The following CASZ1 variants were observed in gnomAD, a reference collection of about 807,000 sequenced individuals.
The protein encoded by CASZ1 is zinc finger protein castor homolog 1.
Under a neutral mutation model 135.2 loss-of-function variants are expected in CASZ1, and 28 were observed. That is an observed-to-expected ratio of 0.21 (90% confidence interval 0.15 to 0.28). The LOEUF is 0.28. Ranked by LOEUF, CASZ1 falls within the 10% of genes least tolerant of loss-of-function variation. The pLI is 1.00. For missense variants in CASZ1, 2,161 were observed against 2,453.3 expected, an observed-to-expected ratio of 0.88 and a Z score of 2.52; for synonymous variants, 1,068 against 1,073.4, an observed-to-expected ratio of 0.99 and a Z score of 0.10.
At chr1:10,684,902 A>C (rs1345665599) in intron 4 of CASZ1, among the ~76,000 whole-genome samples, 7 of 152,194 alleles carry the variant, frequency 4.6e-5, no homozygotes, top group Non-Finnish European at 1.0e-4. Context: ...CGCTGAGCAC[A>C]CATGGAATGT....
At position 10,739,988 on chromosome 1, in the gene CASZ1, T is replaced by C. The variant is rs1639881943; in HGVS notation, c.-77+20713A>G. Reference sequence around the variant, plus strand: ...GCCCATGGACAAGGTCTCATTCCAGTGGCCCGGTGTCACAGCGTGTCCTCA... The same window carrying C: ...GCCCATGGACAAGGTCTCATTCCAGCGGCCCGGTGTCACAGCGTGTCCTCA... On this transcript the variant is annotated intron_variant, in intron 2 of 20. Coordinates refer to ENST00000377022, the MANE Select transcript of CASZ1 (RefSeq NM_001079843.3). The surrounding 1 kb of genome is among the most constrained non-coding windows in gnomAD (Gnocchi z 4.8). Among the ~76,000 whole-genome samples the C allele has an allele frequency of 6.6e-6, 1 of 152,158 alleles. No homozygotes were observed. Among genetic ancestry groups the C allele is most frequent in the Non-Finnish European group, 1.5e-5 (1 of 68,024 alleles).
chr1:10,795,347 T>C (rs1029304515), intron 1 of CASZ1, among the ~76,000 whole-genome samples: 1 of 152,192 alleles, frequency 6.6e-6, no homozygotes, highest in Non-Finnish European at 1.5e-5. Context: ...AAACTACTTT[T>C]TTCTCTGTCC....
At position 10,721,946 on chromosome 1, in the gene CASZ1, C is replaced by T. The variant is rs1331682643; in HGVS notation, c.-76-16402G>A. The stretch of plus-strand genomic sequence containing the variant: ...CCCACCTGTCTCTTCCTGTGTTTCT[C>T]CTGCTGTATCTTTTACCTTGAGCAC... On this transcript the variant is annotated intron_variant, in intron 2 of 20. Coordinates refer to ENST00000377022, the MANE Select transcript of CASZ1 (RefSeq NM_001079843.3). The surrounding 1 kb of genome is among the most constrained non-coding windows in gnomAD (Gnocchi z 5.4). Among the ~76,000 whole-genome samples, 1 of 152,250 alleles carries T rather than the reference C, an allele frequency of 6.6e-6. No individual in the cohort carries two copies. The highest frequency in any genetic ancestry group is 1.5e-5 in the Non-Finnish European group (1 of 68,042).
Position 10,642,951 on chromosome 1 carries a change from G to A in CASZ1, c.4070C>T (p.Thr1357Ile). 2 of 1,613,002 alleles carry A rather than the reference G, an allele frequency of 1.2e-6. No individual in the cohort carries two copies. The highest frequency in any genetic ancestry group is 2.2e-5 in the East Asian group (1 of 44,894). ...GGACATGGCGCCTGGGCTGCAGCCA[G>A]TGTAGTCCATGCACTCATCTGTCTC... ...DAETDECMDY[T>I]GCSPGAMSSE... The change falls in exon 20 of 21, where the codon ACT (threonine) becomes ATT (isoleucine). Residue 1357 changes from threonine to isoleucine, a missense_variant. Thr to Ile is a moderately conservative substitution (Grantham distance 89, BLOSUM62 -1). Coordinates refer to ENST00000377022, the MANE Select transcript of CASZ1 (RefSeq NM_001079843.3).
intron 1 of CASZ1, among the ~76,000 whole-genome samples, chr1:10,785,896 T>C (rs1640850659): frequency 6.6e-6 from 1 of 152,202 alleles, no homozygotes. Context: ...GATCCTCTCA[T>C]CTAATTCTCA....
chr1:10,645,470 C>A (rs1195829579), intron 17 of CASZ1, among the ~76,000 whole-genome samples: 4 of 152,154 alleles, frequency 2.6e-5, no homozygotes, highest in Non-Finnish European at 5.9e-5. Context: ...GCAGAGCTTG[C>A]AGTGAGCCGA....
chr1:10,726,567 G>A lies in CASZ1; in HGVS notation c.-76-21023C>T, dbSNP rs566792907. ...AGGCTGCATGCCAATCCGGCCAGAG[G>A]AAACACCGGGCACGGGGAATGGAGC... On this transcript the variant is annotated intron_variant, in intron 2 of 20. Coordinates refer to ENST00000377022, the MANE Select transcript of CASZ1 (RefSeq NM_001079843.3). This position sits in a 1 kb window ranked among gnomAD's most constrained non-coding sequence, Gnocchi z 5.7. Among the ~76,000 whole-genome samples, 2 of 152,352 alleles carry A rather than the reference G, an allele frequency of 1.3e-5. No homozygotes were observed. The highest frequency in any genetic ancestry group is 3.9e-4 in the East Asian group (2 of 5,192).
intron 18 of CASZ1, among the ~76,000 whole-genome samples, chr1:10,644,602 T>C (rs1316372241): frequency 6.6e-6 from 1 of 152,258 alleles, no homozygotes; most frequent in Non-Finnish European, 1.5e-5. Context: ...CCTGCTCGCC[T>C]TCTTGATAAG....
intron 2 of CASZ1, among the ~76,000 whole-genome samples, chr1:10,722,353 G>A (rs990703994): frequency 6.6e-6 from 1 of 152,222 alleles, no homozygotes; most frequent in Non-Finnish European, 1.5e-5. Flanking sequence ...CTGGTGCCAC[G>A]CAGTTCCAAA....
intron 2 of CASZ1, among the ~76,000 whole-genome samples, chr1:10,753,690 A>G (rs960138777): frequency 1.3e-5 from 2 of 152,148 alleles, no homozygotes; most frequent in African/African-American, 4.8e-5. Context: ...CCCAGGCTAG[A>G]GCAGGGCAAG....
At chr1:10,704,966 G>A (rs886700426) in intron 3 of CASZ1, among the ~76,000 whole-genome samples, 9 of 152,242 alleles carry the variant, frequency 5.9e-5, no homozygotes, top group Non-Finnish European at 1.2e-4. Flanking sequence ...TCCTGGCCTC[G>A]GCCGTGGCCT....
rs1047446314 is a variant in CASZ1, at chr1:10,755,641, G to C, written c.-77+5060C>G. Among the ~76,000 whole-genome samples, 9 of 152,286 alleles carry C rather than the reference G, an allele frequency of 5.9e-5. No homozygotes were observed. The highest frequency in any genetic ancestry group is 1.9e-4 in the East Asian group (1 of 5,166). ...TTTTCCTGCATCTGCTCCGAAGGCA[G>C]GGGGTGTGGGGAGAACGGAGGAAGG... On this transcript the variant is annotated intron_variant, in intron 2 of 20. Coordinates refer to ENST00000377022, the MANE Select transcript of CASZ1 (RefSeq NM_001079843.3). The surrounding 1 kb of genome is among the most constrained non-coding windows in gnomAD (Gnocchi z 4.3).
At position 10,724,349 on chromosome 1, in the gene CASZ1, C is replaced by T. The variant is rs1021672756; in HGVS notation, c.-76-18805G>A. On this transcript the variant is annotated intron_variant, in intron 2 of 20. Coordinates refer to ENST00000377022, the MANE Select transcript of CASZ1 (RefSeq NM_001079843.3). This position sits in a 1 kb window ranked among gnomAD's most constrained non-coding sequence, Gnocchi z 4.1. The stretch of plus-strand genomic sequence containing the variant: ...ACTACTAAAATATTTACCAGCCTGG[C>T]GAAGTGCCGAAGGTGCTTGGCACCG... 2.0e-5 allele frequency among the ~76,000 whole-genome samples: 3 copies of T among 152,200 alleles called. No individual in the cohort carries two copies. Among genetic ancestry groups the T allele is most frequent in the African/African-American group, 2.4e-5 (1 of 41,436 alleles).
At chr1:10,718,360 T>C (rs985545546) in intron 2 of CASZ1, among the ~76,000 whole-genome samples, 1 of 152,260 alleles carries the variant, frequency 6.6e-6, no homozygotes, top group African/African-American at 2.4e-5. Flanking sequence ...ATCAAATTTA[T>C]TATTTTTAAT....
intron 4 of CASZ1, among the ~76,000 whole-genome samples, chr1:10,673,191 A>C (rs915336885): frequency 7.2e-5 from 11 of 152,292 alleles, no homozygotes; most frequent in Admixed American, 6.5e-4. Flanking sequence ...GTTTTTTTAA[A>C]TAATTTATGC....
Position 10,701,957 on chromosome 1 carries a change from T to C in CASZ1, c.-24+3535A>G, listed in dbSNP as rs1639070713. 6.6e-6 allele frequency among the ~76,000 whole-genome samples: 1 copy of C among 152,230 alleles called. No individual in the cohort carries two copies. Among genetic ancestry groups the C allele is most frequent in the South Asian group, 2.1e-4 (1 of 4,834 alleles). ...GCTGAGCCATCCTGCCTACTGAGGC[T>C]TCTCTTGGGCTTCCGGCCCCGCTGC... On this transcript the variant is annotated intron_variant, in intron 3 of 20. Coordinates refer to ENST00000377022, the MANE Select transcript of CASZ1 (RefSeq NM_001079843.3). The surrounding 1 kb of genome is among the most constrained non-coding windows in gnomAD (Gnocchi z 6.3).
In CASZ1 at chr1:10,679,385, A is replaced by G. The variant is rs1268273952; in HGVS notation, c.17-13814T>C. ...AACCCCGGACTTAGGCCCCTGTCAG[A>G]ATAGACCCCTGGAGCCAACGCCACC... On this transcript the variant is annotated intron_variant, in intron 4 of 20. Coordinates refer to ENST00000377022, the MANE Select transcript of CASZ1 (RefSeq NM_001079843.3). This position sits in a 1 kb window ranked among gnomAD's most constrained non-coding sequence, Gnocchi z 4.7. 6.6e-6 allele frequency among the ~76,000 whole-genome samples: 1 copy of G among 152,082 alleles called. No individual in the cohort carries two copies. The highest frequency in any genetic ancestry group is 1.5e-5 in the Non-Finnish European group (1 of 68,000).
chr1:10,748,470 C>G (rs895104782), intron 2 of CASZ1, among the ~76,000 whole-genome samples: 1 of 152,226 alleles, frequency 6.6e-6, no homozygotes, highest in Non-Finnish European at 1.5e-5. Flanking sequence ...AGAACGCATC[C>G]CTGCAAAGAC....
chr1:10,768,371 C>T (rs184939766), intron 1 of CASZ1, among the ~76,000 whole-genome samples: 14 of 152,170 alleles, frequency 9.2e-5, no homozygotes, highest in African/African-American at 3.4e-4. Context: ...GCACGCACCA[C>T]CATGCCTGGC....
Sources: gnomAD v4.1 joint callset for allele counts (sites outside exome capture counted in the v4.1 genomes callset) on GRCh38, gnomAD v4.1.1 for gene constraint, Gnocchi (gnomAD v3.1) non-coding constraint, MANE v1.5 for transcripts, NCBI Gene and HGNC (gene_info 2026-07-23, HGNC 2026-07-21) for gene names.